TRANK1: variants seen among roughly 807,000 people sequenced by gnomAD.
TRANK1 encodes the protein tetratricopeptide repeat and ankyrin repeat containing 1, also known as TPR and ankyrin repeat-containing protein 1.
TRANK1 carries 198 observed loss-of-function variants against 266.0 expected under a neutral mutation model. The observed-to-expected ratio is 0.74, with a 90% CI of 0.66 to 0.84. The LOEUF is 0.84. Ranked by LOEUF, TRANK1 falls within the 40% of genes least tolerant of loss-of-function variation. The pLI is 0.00. For missense variants in TRANK1, 3,326 were observed against 3,634.6 expected (o/e 0.92, Z 2.18); for synonymous variants, 1,396 against 1,384.1 (o/e 1.01, Z -0.19).
chr3:36,831,627 A>G lies in TRANK1; in HGVS notation c.7956T>C (p.Pro2652=), dbSNP rs777375716. The part of the protein sequence containing the change: ...YLMDCDWRWD[P]VHTKGSIVRG... ...GGACTATGGACCCTTTGGTGTGCACAGGGTCCCACCGCCAGTCACAGTCCA... is the reference window on the plus strand; with the variant it reads ...GGACTATGGACCCTTTGGTGTGCACGGGGTCCCACCGCCAGTCACAGTCCA... Residue 2652 remains proline, a synonymous_variant, in exon 22 of 24, where the codon CCT becomes CCC. Transcript: ENST00000645898. This position sits in a 1 kb window ranked among gnomAD's most constrained non-coding sequence, Gnocchi z 5.0. 2.5e-6 allele frequency: 4 copies of G among 1,613,916 alleles called. No individual in the cohort carries two copies. The highest frequency in any genetic ancestry group is 2.5e-6 in the Non-Finnish European group (3 of 1,179,830).
intron 8 of TRANK1, among the ~76,000 whole-genome samples, chr3:36,885,114 A>T (rs963300109): frequency 2.6e-5 from 4 of 152,152 alleles, no homozygotes. Context: ...ATCCCCTCCA[A>T]GATACTCATT....
chr3:36,916,815 G>GT (rs2080131610), intron 1 of TRANK1, among the ~76,000 whole-genome samples: 2 of 144,990 alleles, frequency 1.4e-5, no homozygotes, highest in African/African-American at 2.6e-5. Flanking sequence ...TTTTTTTTTT[G>GT]TTTTTTGTTT....
At chr3:36,915,678 A>G (rs550642143) in intron 1 of TRANK1, among the ~76,000 whole-genome samples, 1 of 152,336 alleles carries the variant, frequency 6.6e-6, no homozygotes, top group South Asian at 2.1e-4. Flanking sequence ...TACATCAATA[A>G]TCACACAAAT....
chr3:36,856,298 C>T lies in TRANK1; in HGVS notation c.3424G>A (p.Glu1142Lys). The change falls in exon 13 of 24, where the codon GAA (glutamate) becomes AAA (lysine). Residue 1142 changes from glutamate (E) to lysine (K), a missense_variant. Physicochemically the swap from Glu to Lys is moderately conservative, Grantham distance 56. Transcript: ENST00000645898. ...EEEEEEDEEE[E>K]DSIEVETVES... ...ACTGTTTCCACTTCAATAGAATCTT[C>T]CTCTTCCTCGTCCTCTTCCTCCTCC... 6.3e-7 allele frequency: 1 copy of T among 1,586,066 alleles called. No homozygotes were observed. The highest frequency in any genetic ancestry group is 1.3e-5 in the African/African-American group (1 of 74,330).
At chr3:36,903,946 C>G (rs759761020) in intron 2 of TRANK1, among the ~76,000 whole-genome samples, 1 of 151,962 alleles carries the variant, frequency 6.6e-6, no homozygotes, top group Non-Finnish European at 1.5e-5. Context: ...AAAAAGCAAG[C>G]CTTATGACTT....
At chr3:36,870,263 C>T (rs866899548) in intron 9 of TRANK1, among the ~76,000 whole-genome samples, 5 of 152,156 alleles carry the variant, frequency 3.3e-5, no homozygotes, top group African/African-American at 7.2e-5. Context: ...CAAAATTAGC[C>T]GGGCATGGTG....
intron 1 of TRANK1, among the ~76,000 whole-genome samples, chr3:36,940,075 G>A (rs999909251): frequency 1.3e-5 from 2 of 151,428 alleles, no homozygotes; most frequent in South Asian, 4.2e-4. Flanking sequence ...ATTTTTTAAT[G>A]GAGACAGGGT....
Position 36,833,309 on chromosome 3 carries a change from G to A in TRANK1, c.6274C>T (p.Leu2092Phe). The A allele has an allele frequency of 6.2e-7, 1 of 1,613,968 alleles. No homozygotes were observed. The highest frequency in any genetic ancestry group is 8.5e-7 in the Non-Finnish European group (1 of 1,179,886). The change falls in exon 22 of 24, where the codon CTC becomes TTC. Residue 2092 changes from leucine (L) to phenylalanine (F), a missense_variant. Leu to Phe is a conservative substitution (Grantham distance 22). Coordinates refer to ENST00000645898, the MANE Select transcript of TRANK1 (RefSeq NM_001329998.2). ...CTTTTGAGAGCCCTGACCAGACTGA[G>A]GAGGATTTCCAAGCCCCCTGGAGCC... ...GLAPGGLEIL[L>F]SLVRALKRVT...
upstream of TRANK1, among the ~76,000 whole-genome samples, chr3:36,945,712 G>A (rs1266974207): frequency 6.6e-6 from 1 of 152,174 alleles, no homozygotes. Context: ...GAGCCGGTTT[G>A]GTCTTCACAG....
intron 1 of TRANK1, among the ~76,000 whole-genome samples, chr3:36,928,607 C>T (rs1334070700): frequency 6.7e-6 from 1 of 148,158 alleles, no homozygotes; most frequent in African/African-American, 2.5e-5. Context: ...ACTAAAATAA[C>T]TTGTATCTCT....
chr3:36,867,669 A>G (rs1368827259), intron 9 of TRANK1, among the ~76,000 whole-genome samples: 2 of 152,270 alleles, frequency 1.3e-5, no homozygotes, highest in African/African-American at 4.8e-5. Flanking sequence ...AGTTTTTTAA[A>G]AGATGACTAC....
chr3:36,944,946 G>T lies in TRANK1; in HGVS notation c.-137C>A, dbSNP rs1192753962. 7.6e-6 allele frequency: 7 copies of T among 920,712 alleles called. No individual in the cohort carries two copies. The highest frequency in any genetic ancestry group is 1.0e-5 in the Non-Finnish European group (7 of 676,108). 57.0% of individuals were successfully genotyped at this position (920,712 alleles called of 1,614,324 possible). On this transcript the variant is annotated 5_prime_UTR_variant, in exon 1 of 24. Coordinates refer to ENST00000645898, the MANE Select transcript of TRANK1 (RefSeq NM_001329998.2). ...AGGGGCGGCGCGATGCAGAGGCGGCGTTCGGGGGCCCCCAGCTGCCTGCGG... is the reference window on the plus strand; with the variant it reads ...AGGGGCGGCGCGATGCAGAGGCGGCTTTCGGGGGCCCCCAGCTGCCTGCGG...
Position 36,833,510 on chromosome 3 carries a change from G to C in TRANK1, c.6073C>G (p.Gln2025Glu), listed in dbSNP as rs369864528. The change falls in exon 22 of 24, where the codon CAG (glutamine) becomes GAG (glutamate). Residue 2025 changes from glutamine to glutamate, a missense_variant. Physicochemically the swap from Gln to Glu is conservative, Grantham distance 29 (BLOSUM62 2). Transcript: ENST00000645898. ...EALDICYQTG[Q>E]LSGIAEAHFL... ...TGGGCCTCCGCAATGCCAGACAACT[G>C]GCCAGTTTGATAGCAGATATCAAGT... 1.2e-4 allele frequency: 191 copies of C among 1,613,748 alleles called. No homozygotes were observed. Among genetic ancestry groups the C allele is most frequent in the Non-Finnish European group, 1.5e-4 (181 of 1,179,806 alleles).
intron 7 of TRANK1, among the ~76,000 whole-genome samples, chr3:36,891,835 G>A (rs1234854853): frequency 1.3e-5 from 2 of 152,122 alleles, no homozygotes; most frequent in Non-Finnish European, 2.9e-5. Context: ...AAAATGAACC[G>A]AGAGAAATAG....
intron 1 of TRANK1, among the ~76,000 whole-genome samples, chr3:36,912,803 A>G (rs1464911104): frequency 6.6e-6 from 1 of 152,224 alleles, no homozygotes; most frequent in Non-Finnish European, 1.5e-5. Context: ...TGAAATGGGC[A>G]GAGAGGATGG....
At position 36,846,259 on chromosome 3, in the gene TRANK1, T is replaced by C. The variant is rs1355692497; in HGVS notation, c.5180A>G (p.Asp1727Gly). ...RRDFVQVVKTDENKDFDDSMF... is the reference protein window; with the variant it reads ...RRDFVQVVKTGENKDFDDSMF... ...TAACAGGATCTTACCTTTATTTTCA[T>C]CTGTCTTTACAACTTGGACAAAATC... is the stretch of plus-strand genomic sequence containing the variant. The change falls in exon 17 of 24, where the codon GAT becomes GGT. Residue 1727 changes from aspartate (D) to glycine (G), a missense_variant. Asp to Gly is a moderately conservative substitution (Grantham distance 94, BLOSUM62 -1). Transcript: ENST00000645898. 6.3e-7 allele frequency: 1 copy of C among 1,593,224 alleles called. No individual in the cohort carries two copies. The highest frequency in any genetic ancestry group is 1.3e-5 in the African/African-American group (1 of 74,500).
intron 8 of TRANK1, chr3:36,880,355 T>C: frequency 2.5e-6 from 1 of 397,796 alleles, no homozygotes; most frequent in South Asian, 2.0e-5. Context: ...CAATTATTCT[T>C]TCAGGATTAA....
At chr3:36,839,862 C>A (rs183559883) in intron 18 of TRANK1, among the ~76,000 whole-genome samples, 5 of 152,218 alleles carry the variant, frequency 3.3e-5, no homozygotes, top group East Asian at 1.9e-4. Flanking sequence ...TTCTAAAAAC[C>A]CTTTTTGTTG....
chr3:36,846,117 C>T, intron 17 of TRANK1, 131 bp downstream of exon 17: 1 of 1,048,382 alleles, frequency 9.5e-7, no homozygotes, highest in Non-Finnish European at 1.3e-6. Context: ...GTAACAACTT[C>T]CATTTCTCAG....
Sources: allele counts gnomAD v4.1 joint callset (sites outside exome capture counted in the v4.1 genomes callset), GRCh38; gene constraint gnomAD v4.1.1; non-coding constraint Gnocchi (gnomAD v3.1); transcripts MANE v1.5; gene names NCBI Gene and HGNC (gene_info 2026-07-23, HGNC 2026-07-21).